CAMK1G: variants seen among roughly 807,000 people sequenced by gnomAD.
CAMK1G encodes calcium/calmodulin dependent protein kinase IG.
In CAMK1G, 27 loss-of-function variants were observed where a neutral mutation model predicts 54.8. The observed-to-expected ratio is 0.49, with a 90% CI of 0.36 to 0.68. The LOEUF is 0.68. Ranked by LOEUF, CAMK1G falls within the 30% of genes least tolerant of loss-of-function variation. The probability of loss-of-function intolerance (pLI) is 0.00; values close to 1 mark genes in which losing one functional copy is unlikely to be tolerated. For missense variants in CAMK1G, 512 were observed against 591.0 expected, an observed-to-expected ratio of 0.87 and a Z score of 1.39; for synonymous variants, 238 against 224.9, an observed-to-expected ratio of 1.06 and a Z score of -0.52.
chr1:209,585,637 G>A (rs968016803), intron 1 of CAMK1G, among the ~76,000 whole-genome samples: 1 of 152,220 alleles, frequency 6.6e-6, no homozygotes, highest in Admixed American at 6.5e-5. Context: ...CCCCACCCAG[G>A]TGCGTGGTCC....
chr1:209,601,319 G>C (rs1249213143), intron 3 of CAMK1G, among the ~76,000 whole-genome samples: 1 of 152,198 alleles, frequency 6.6e-6, no homozygotes, highest in Non-Finnish European at 1.5e-5. Context: ...TTGGGTTTGG[G>C]GTTGACTAGT....
At chr1:209,611,085 T>C (rs2102396759) in intron 9 of CAMK1G, among the ~76,000 whole-genome samples, 1 of 152,280 alleles carries the variant, frequency 6.6e-6, no homozygotes, top group Admixed American at 6.5e-5. Flanking sequence ...TTTTAGGCTT[T>C]CCTGGCCATA....
chr1:209,597,888 GTGA>G (rs956712044), intron 2 of CAMK1G, among the ~76,000 whole-genome samples: 2 of 152,178 alleles, frequency 1.3e-5, no homozygotes, highest in Middle Eastern at 3.2e-3. Flanking sequence ...TCAAATAATA[GTGA>G]TGATAATAAT....
intron 6 of CAMK1G, 148 bp downstream of exon 6, chr1:209,606,591 C>A: frequency 2.3e-6 from 2 of 861,664 alleles, no homozygotes; most frequent in Non-Finnish European, 3.5e-6. Context: ...TTAGGGCCAG[C>A]CAATTCATCC....
chr1:209,602,157 G>A (rs565611376), intron 3 of CAMK1G, among the ~76,000 whole-genome samples: 2 of 152,228 alleles, frequency 1.3e-5, no homozygotes, highest in South Asian at 4.1e-4. Flanking sequence ...TGATGCTGTC[G>A]ACATTTTGAA....
Position 209,595,041 on chromosome 1 carries a change from C to A in CAMK1G, c.58C>A (p.Arg20=), listed in dbSNP as rs375301374. Residue 20 remains arginine, a synonymous_variant, in exon 2 of 13, where the codon CGG becomes AGG. Transcript: ENST00000361322. ...CTGGAAGAAACAGACCACCAACATC[C>A]GGAAAACCTTCATTTTTATGGAAGT... ...SSWKKQTTNI[R]KTFIFMEVLG... The A allele has an allele frequency of 5.6e-6, 9 of 1,614,052 alleles. No homozygotes were observed. Among genetic ancestry groups the A allele is most frequent in the Non-Finnish European group, 6.8e-6 (8 of 1,179,984 alleles).
In CAMK1G at chr1:209,607,961, T is replaced by C. The variant is rs770383213; in HGVS notation, c.635+28T>C. Reference sequence around the variant, plus strand: ...GAGTAGACGCTGGCCTGGGTTCAGCTGATGAGAAGTCTCGGAGCCTGCTTA... The same window carrying C: ...GAGTAGACGCTGGCCTGGGTTCAGCCGATGAGAAGTCTCGGAGCCTGCTTA... On this transcript the variant is annotated intron_variant, in intron 7 of 12. Coordinates refer to ENST00000361322, the MANE Select transcript of CAMK1G (RefSeq NM_020439.3). 1.9e-6 allele frequency: 3 copies of C among 1,569,588 alleles called. No individual in the cohort carries two copies. The South Asian group carries it at 3.4e-5, about 18-fold the overall frequency.
intron 10 of CAMK1G, 107 bp downstream of exon 10, chr1:209,611,659 G>T: frequency 6.8e-7 from 1 of 1,468,050 alleles, no homozygotes. Flanking sequence ...GAAGGCATTG[G>T]AGCTCCGTGT....
chr1:209,585,754 G>A (rs575196015), intron 1 of CAMK1G, among the ~76,000 whole-genome samples: 2 of 152,342 alleles, frequency 1.3e-5, no homozygotes, highest in Non-Finnish European at 2.9e-5. Flanking sequence ...CCATACACAC[G>A]CACACAGGGC....
At chr1:209,592,011 C>G (rs1176137045) in intron 1 of CAMK1G, among the ~76,000 whole-genome samples, 1 of 152,018 alleles carries the variant, frequency 6.6e-6, no homozygotes, top group African/African-American at 2.4e-5. Flanking sequence ...TGGAGTCAGG[C>G]AGAAGCCCTG....
In CAMK1G at chr1:209,603,355, G is replaced by A. The variant is rs935054124; in HGVS notation, c.296+67G>A. The A allele has an allele frequency of 1.6e-5, 20 of 1,289,510 alleles. No individual in the cohort carries two copies. The African/African-American group carries it at 2.8e-4, about 18-fold the overall frequency. 79.9% of individuals were successfully genotyped at this position (1,289,510 alleles called of 1,614,324 possible). A position where few individuals can be genotyped will look rare whatever the true frequency, so the allele number is the denominator to read the frequency against. On this transcript the variant is annotated intron_variant, in intron 4 of 12. Coordinates refer to ENST00000361322, the MANE Select transcript of CAMK1G (RefSeq NM_020439.3). Reference sequence around the variant, plus strand: ...GGGCCTGGGAGGCCTACAGGAGGTTGGTCGCTGGTGAGGGATGGACAGCAA... The same window carrying A: ...GGGCCTGGGAGGCCTACAGGAGGTTAGTCGCTGGTGAGGGATGGACAGCAA...
intron 10 of CAMK1G, 33 bp downstream of exon 10, chr1:209,611,585 G>C: frequency 6.3e-7 from 1 of 1,591,912 alleles, no homozygotes; most frequent in Non-Finnish European, 8.6e-7. Flanking sequence ...TGGGAAAGCT[G>C]TTCTGGGCCC....
chr1:209,598,715 C>T (rs1665449011), intron 2 of CAMK1G, among the ~76,000 whole-genome samples: 1 of 152,230 alleles, frequency 6.6e-6, no homozygotes, highest in Non-Finnish European at 1.5e-5. Flanking sequence ...GAGTAATTAT[C>T]AGTCCTTCCC....
intron 1 of CAMK1G, among the ~76,000 whole-genome samples, chr1:209,588,594 G>A (rs1665165169): frequency 6.6e-6 from 1 of 152,202 alleles, no homozygotes; most frequent in African/African-American, 2.4e-5. Context: ...CATGGAGAGT[G>A]GGGCAGACAT....
chr1:209,605,084 A>G (rs1665614904), intron 4 of CAMK1G, among the ~76,000 whole-genome samples: 1 of 152,330 alleles, frequency 6.6e-6, no homozygotes, highest in African/African-American at 2.4e-5. Context: ...CCAATTTCCC[A>G]AAATGAGAAG....
intron 2 of CAMK1G, among the ~76,000 whole-genome samples, chr1:209,598,665 T>C (rs891646716): frequency 5.9e-5 from 9 of 152,228 alleles, no homozygotes; most frequent in Admixed American, 2.0e-4. Context: ...CAGATACAAC[T>C]GCCATCAACA....
chr1:209,592,596 C>G (rs1181832996), intron 1 of CAMK1G, among the ~76,000 whole-genome samples: 1 of 152,202 alleles, frequency 6.6e-6, no homozygotes, highest in African/African-American at 2.4e-5. Context: ...AGCCTCCCAC[C>G]AGCAGGGTCC....
At chr1:209,609,332 TG>T (rs11308198) in intron 8 of CAMK1G, among the ~76,000 whole-genome samples, 18,640 of 151,998 alleles carry the variant, frequency 0.12, 1,499 homozygotes, top group Non-Finnish European at 0.17. Flanking sequence ...GAAAAGGAGA[TG>T]GGGGGGCAGT....
In CAMK1G at chr1:209,613,178, C is replaced by A; in HGVS notation, c.*176C>A. 3.1e-6 allele frequency: 1 copy of A among 323,914 alleles called. No homozygotes were observed. 20.1% of individuals were successfully genotyped at this position (323,914 alleles called of 1,614,324 possible). ...GCCTGCTGCCAGCGGGGCAGCCCCT[C>A]ATAGGAGGCCCAGGAGGGAGCCCCA... On this transcript the variant is annotated 3_prime_UTR_variant, in exon 13 of 13. Coordinates refer to ENST00000361322, the MANE Select transcript of CAMK1G (RefSeq NM_020439.3).
Sources: gnomAD v4.1 joint callset for allele counts (sites outside exome capture counted in the v4.1 genomes callset) on GRCh38, gnomAD v4.1.1 for gene constraint, MANE v1.5 for transcripts, NCBI Gene and HGNC (gene_info 2026-07-23, HGNC 2026-07-21) for gene names.